The following GRIA1 variants were observed in gnomAD, a reference collection of about 807,000 sequenced individuals.
GRIA1 encodes the protein glutamate ionotropic receptor AMPA type subunit 1.
Under a neutral mutation model 99.2 loss-of-function variants are expected in GRIA1, and 31 were observed. The ratio of observed to expected loss-of-function variants is 0.31; its 90% confidence interval spans 0.23 to 0.42. The LOEUF (loss-of-function observed/expected upper bound fraction) is 0.42, where lower values mean the gene tolerates loss of function less well. Ranked by LOEUF, GRIA1 falls within the 10% of genes least tolerant of loss-of-function variation. GRIA1 has a pLI of 1.00. For missense variants in GRIA1, 782 were observed against 1,157.5 expected (o/e 0.68, Z 4.71); for synonymous variants, 438 against 432.4 (o/e 1.01, Z -0.16).
intron 11 of GRIA1, among the ~76,000 whole-genome samples, chr5:153,752,148 T>C (rs1005516687): frequency 6.6e-6 from 1 of 152,056 alleles, no homozygotes; most frequent in Non-Finnish European, 1.5e-5. Context: ...ATGATAGTGG[T>C]TTAATGGGAA....
chr5:153,599,146 T>C (rs1387595398), intron 2 of GRIA1, among the ~76,000 whole-genome samples: 1 of 152,212 alleles, frequency 6.6e-6, no homozygotes, highest in African/African-American at 2.4e-5. Flanking sequence ...CCTGCCAAAG[T>C]GCTGGGATTA....
At chr5:153,583,221 C>T (rs1763195771) in intron 2 of GRIA1, among the ~76,000 whole-genome samples, 3 of 152,158 alleles carry the variant, frequency 2.0e-5, no homozygotes, top group Admixed American at 6.5e-5. Context: ...GTGTGAGCCT[C>T]TGCACCCGGG....
intron 12 of GRIA1, among the ~76,000 whole-genome samples, chr5:153,765,931 G>T (rs1763488526): frequency 6.6e-6 from 1 of 152,208 alleles, no homozygotes; most frequent in Non-Finnish European, 1.5e-5. Flanking sequence ...GTAGCAGAAG[G>T]AGCAGAGACA....
intron 2 of GRIA1, among the ~76,000 whole-genome samples, chr5:153,566,604 C>A (rs1324501047): frequency 6.6e-6 from 1 of 151,244 alleles, no homozygotes; most frequent in Non-Finnish European, 1.5e-5. Flanking sequence ...CCATGCCCAG[C>A]CTCTTGTCCA....
At chr5:153,799,283 C>T (rs1044363798) in intron 14 of GRIA1, among the ~76,000 whole-genome samples, 19 of 152,172 alleles carry the variant, frequency 1.2e-4, no homozygotes, top group South Asian at 6.2e-4. Flanking sequence ...ATGGACACTG[C>T]AGACCAGAGG....
At chr5:153,635,064 T>A (rs1412423082) in intron 2 of GRIA1, among the ~76,000 whole-genome samples, 1 of 152,250 alleles carries the variant, frequency 6.6e-6, no homozygotes, top group Non-Finnish European at 1.5e-5. Flanking sequence ...TAAAGCTTTG[T>A]CTTGATTGAC....
At chr5:153,536,284 CTT>C (rs1372801568) in intron 2 of GRIA1, among the ~76,000 whole-genome samples, 1 of 152,150 alleles carries the variant, frequency 6.6e-6, no homozygotes, top group African/African-American at 2.4e-5. Context: ...CCTCTCAAGA[CTT>C]TTAATCGTCC....
intron 2 of GRIA1, among the ~76,000 whole-genome samples, chr5:153,575,197 A>AGAAAGAGAG (rs1762425770): frequency 6.8e-6 from 1 of 147,660 alleles, no homozygotes; most frequent in African/African-American, 2.5e-5. Context: ...TCAAGAGAGA[A>AGAAAGAGAG]AGAGAGAGAG....
chr5:153,707,701 C>T (rs1037664303), intron 11 of GRIA1, among the ~76,000 whole-genome samples: 4 of 152,010 alleles, frequency 2.6e-5, no homozygotes, highest in African/African-American at 9.7e-5. Context: ...TATTCCTAAG[C>T]GGCAATGGAG....
intron 2 of GRIA1, among the ~76,000 whole-genome samples, chr5:153,530,772 G>C (rs1758025816): frequency 6.6e-6 from 1 of 152,194 alleles, no homozygotes; most frequent in Non-Finnish European, 1.5e-5. Context: ...CACTGCACAG[G>C]TGATAGACAC....
chr5:153,693,328 T>G (rs1757891912), intron 8 of GRIA1, among the ~76,000 whole-genome samples: 1 of 152,180 alleles, frequency 6.6e-6, no homozygotes, highest in South Asian at 2.1e-4. Context: ...ATGTCATTGC[T>G]GGCCAGGTAG....
chr5:153,726,010 T>A (rs917532002), intron 11 of GRIA1, among the ~76,000 whole-genome samples: 2 of 148,460 alleles, frequency 1.3e-5, no homozygotes, highest in African/African-American at 5.0e-5. Context: ...CCTCAGCAAA[T>A]GTAAAAGAAC....
At chr5:153,728,340 A>G (rs1340069748) in intron 11 of GRIA1, among the ~76,000 whole-genome samples, 2 of 148,952 alleles carry the variant, frequency 1.3e-5, no homozygotes, top group East Asian at 2.0e-4. Flanking sequence ...CTTCATGTCT[A>G]AAACACCAAA....
At chr5:153,492,432 T>C (rs201837233) in intron 1 of GRIA1, 13 of 930,780 alleles carry the variant, frequency 1.4e-5, no homozygotes, top group East Asian at 3.0e-5. Flanking sequence ...CTTTCATTCA[T>C]TGCAGAGGAG....
At chr5:153,647,833 A>T (rs925054340) in intron 3 of GRIA1, among the ~76,000 whole-genome samples, 2 of 152,018 alleles carry the variant, frequency 1.3e-5, no homozygotes, top group African/African-American at 4.8e-5. Flanking sequence ...GTCTTTACTC[A>T]TGTTATTCCA....
intron 13 of GRIA1, among the ~76,000 whole-genome samples, chr5:153,777,218 G>C (rs183138416): frequency 6.6e-6 from 1 of 152,220 alleles, no homozygotes; most frequent in African/African-American, 2.4e-5. Flanking sequence ...GTCCACTCTG[G>C]GAACAAGGGC....
intron 2 of GRIA1, among the ~76,000 whole-genome samples, chr5:153,559,153 G>A (rs190638074): frequency 6.6e-6 from 1 of 152,278 alleles, no homozygotes; most frequent in Admixed American, 6.5e-5. Context: ...CGCCATGCAA[G>A]CTTCTGCTCC....
At chr5:153,754,094 G>A (rs1762666066) in intron 11 of GRIA1, among the ~76,000 whole-genome samples, 2 of 152,174 alleles carry the variant, frequency 1.3e-5, no homozygotes, top group Non-Finnish European at 2.9e-5. Context: ...GACTCACCAA[G>A]TTGTGGAGAT....
intron 2 of GRIA1, among the ~76,000 whole-genome samples, chr5:153,517,718 A>AT (rs1256989650): frequency 6.6e-6 from 1 of 152,156 alleles, no homozygotes; most frequent in Non-Finnish European, 1.5e-5. Context: ...TTCAAAAAAA[A>AT]TCTCTACCAT....
Sources: allele counts gnomAD v4.1 joint callset (sites outside exome capture counted in the v4.1 genomes callset), GRCh38; gene constraint gnomAD v4.1.1; transcripts MANE v1.5; gene names NCBI Gene and HGNC (gene_info 2026-07-23, HGNC 2026-07-21).